The following BDH1 variants were observed in gnomAD, a reference collection of about 807,000 sequenced individuals.
The protein encoded by BDH1 is 3-hydroxybutyrate dehydrogenase 1.
BDH1 carries 30 observed loss-of-function variants against 33.1 expected under a neutral mutation model. The ratio of observed to expected loss-of-function variants is 0.91; its 90% confidence interval spans 0.68 to 1.23. BDH1 has a LOEUF of 1.23. Ranked by LOEUF, BDH1 falls within the 50% of genes most tolerant of loss-of-function variation. The pLI is 0.00. For missense variants in BDH1, 443 were observed against 464.4 expected (o/e 0.95, Z 0.42); for synonymous variants, 190 against 183.6 (o/e 1.03, Z -0.28).
intron 3 of BDH1, among the ~76,000 whole-genome samples, chr3:197,542,910 G>T (rs1361949682): frequency 6.6e-6 from 1 of 152,118 alleles, no homozygotes; most frequent in Admixed American, 6.5e-5. Flanking sequence ...CCTAACCCAG[G>T]AACAGAATGA....
At chr3:197,572,404 A>G (rs1345093408) in intron 1 of BDH1, among the ~76,000 whole-genome samples, 1 of 152,252 alleles carries the variant, frequency 6.6e-6, no homozygotes, top group Non-Finnish European at 1.5e-5. Context: ...ATGCACACGT[A>G]CACATAGACA....
In BDH1 at chr3:197,512,240, CA is replaced by C. The variant is rs748674418; in HGVS notation, c.686del (p.Leu229ArgfsTer3). ...SDCLRYEMYP[L>X]GVKVSVVEPG... The stretch of plus-strand genomic sequence containing the variant: ...GCTCCACCACGCTGACCTTCACGCC[CA>C]GGGGGTACATCTCATAGCGCAGGCA... On this transcript the variant is annotated frameshift_variant, in exon 8 of 8. Transcript: ENST00000392379. LOFTEE classifies it high-confidence loss of function. 3.7e-6 allele frequency: 6 copies of C among 1,613,540 alleles called. No homozygotes were observed. Among genetic ancestry groups the C allele is most frequent in the African/African-American group, 1.3e-5 (1 of 74,932 alleles).
rs574854463 is a variant in BDH1, at chr3:197,519,454, A to G, written c.409+3186T>C. 4.0e-3 allele frequency among the ~76,000 whole-genome samples: 610 copies of G among 151,726 alleles called. 2 individuals carry two copies. The highest frequency in any genetic ancestry group is 7.4e-3 in the Non-Finnish European group (501 of 67,928). ...GGCAGGTGGATCACCTGAGGTCAGGAGTTTGAGACCAGCCTGGCCAACCTT... is the reference window on the plus strand; with the variant it reads ...GGCAGGTGGATCACCTGAGGTCAGGGGTTTGAGACCAGCCTGGCCAACCTT... On this transcript the variant is annotated intron_variant, in intron 6 of 7. Coordinates refer to ENST00000392379, the MANE Select transcript of BDH1 (RefSeq NM_203314.3).
Position 197,511,720 on chromosome 3 carries a change from C to A in BDH1, c.*175G>T. On this transcript the variant is annotated 3_prime_UTR_variant, in exon 8 of 8. Transcript: ENST00000392379. Reference sequence around the variant, plus strand: ...CACTCCACACCCTGTTTGTGAAGGCCCAAGTCACTCACTATGCAAAGAAGT... The same window carrying A: ...CACTCCACACCCTGTTTGTGAAGGCACAAGTCACTCACTATGCAAAGAAGT... The A allele has an allele frequency of 1.6e-6, 1 of 625,454 alleles. No homozygotes were observed. The highest frequency in any genetic ancestry group is 2.5e-5 in the South Asian group (1 of 39,296). 38.7% of individuals were successfully genotyped at this position (625,454 alleles called of 1,614,324 possible). A position where few individuals can be genotyped will look rare whatever the true frequency, so the allele number is the denominator to read the frequency against.
intron 2 of BDH1, among the ~76,000 whole-genome samples, chr3:197,548,566 C>G (rs1716283041): frequency 1.3e-5 from 2 of 152,196 alleles, no homozygotes. Context: ...AACTCAGTCC[C>G]TTGGCCAGGC....
chr3:197,566,894 C>T (rs1270304944), intron 1 of BDH1, among the ~76,000 whole-genome samples: 1 of 152,142 alleles, frequency 6.6e-6, no homozygotes, highest in African/African-American at 2.4e-5. Context: ...GCTGTGCTTT[C>T]ATAAAGCCCC....
chr3:197,554,941 G>A lies in BDH1; in HGVS notation c.-195-228C>T, dbSNP rs1716886529. 6.6e-6 allele frequency among the ~76,000 whole-genome samples: 1 copy of A among 152,250 alleles called. No individual in the cohort carries two copies. Among genetic ancestry groups the A allele is most frequent in the African/African-American group, 2.4e-5 (1 of 41,470 alleles). On this transcript the variant is annotated intron_variant, in intron 1 of 7. Transcript: ENST00000392379. This position sits in a 1 kb window ranked among gnomAD's most constrained non-coding sequence, Gnocchi z 4.4. Reference sequence around the variant, plus strand: ...AGACGGCGGCGCAGCCAATCCCAGAGCAGCGCTCCCCAACGGCCGGCCGGA... The same window carrying A: ...AGACGGCGGCGCAGCCAATCCCAGAACAGCGCTCCCCAACGGCCGGCCGGA...
rs760346357 is a variant in BDH1, at chr3:197,512,060, G to A, written c.867C>T (p.Ser289=). Residue 289 remains serine, a synonymous_variant, in exon 8 of 8, where the codon AGC becomes AGT. Coordinates refer to ENST00000392379, the MANE Select transcript of BDH1 (RefSeq NM_203314.3). ...CAGGGGACGTGTCTGTGGAGCCACT[G>A]CTGCAGTAGGTCTCCATCTTGGCGA... ...EKIAKMETYC[S]SGSTDTSPVI... is the part of the protein sequence containing the mutation. 3.1e-6 allele frequency: 5 copies of A among 1,614,200 alleles called. No individual in the cohort carries two copies. The South Asian group carries it at 5.5e-5, about 18-fold the overall frequency.
At chr3:197,544,480 T>C (rs1317442876) in intron 3 of BDH1, among the ~76,000 whole-genome samples, 1 of 152,100 alleles carries the variant, frequency 6.6e-6, no homozygotes, top group African/African-American at 2.4e-5. Flanking sequence ...ACTCCAGAAA[T>C]CTCTAAAAGC....
At chr3:197,567,922 T>G (rs1313364823) in intron 1 of BDH1, among the ~76,000 whole-genome samples, 1 of 152,190 alleles carries the variant, frequency 6.6e-6, no homozygotes, top group Non-Finnish European at 1.5e-5. Context: ...TGAAGTACCC[T>G]AAAAGAGGCC....
Position 197,526,292 on chromosome 3 carries a change from G to A in BDH1, c.268-3511C>T, listed in dbSNP as rs758787003. The stretch of plus-strand genomic sequence containing the variant: ...CTGTGGGAAGTAGGTGCTGGTGGAG[G>A]TTGTCTTTCTCACTGTTTTCTAGCT... On this transcript the variant is annotated intron_variant, in intron 5 of 7. Transcript: ENST00000392379. This position sits in a 1 kb window ranked among gnomAD's most constrained non-coding sequence, Gnocchi z 4.7. Among the ~76,000 whole-genome samples, 4 of 152,184 alleles carry A rather than the reference G, an allele frequency of 2.6e-5. No homozygotes were observed. The highest frequency in any genetic ancestry group is 9.7e-5 in the African/African-American group (4 of 41,438).
chr3:197,549,442 G>T (rs1215671026), intron 2 of BDH1, among the ~76,000 whole-genome samples: 1 of 152,206 alleles, frequency 6.6e-6, no homozygotes. Context: ...TCACAGCTGG[G>T]GGCTTTCCTG....
Position 197,523,603 on chromosome 3 carries a change from G to A in BDH1, c.268-822C>T, listed in dbSNP as rs150082245. Among the ~76,000 whole-genome samples, 44 of 152,316 alleles carry A rather than the reference G, an allele frequency of 2.9e-4. No individual in the cohort carries two copies. Among genetic ancestry groups the A allele is most frequent in the African/African-American group, 9.1e-4 (38 of 41,560 alleles). ...GGCAAACATTTCTTGGGCCCCTATC[G>A]TGTTCCGGCACTGTGCTAGGAACTG... On this transcript the variant is annotated intron_variant, in intron 5 of 7. Transcript: ENST00000392379. The surrounding 1 kb of genome is among the most constrained non-coding windows in gnomAD (Gnocchi z 4.5).
intron 2 of BDH1, among the ~76,000 whole-genome samples, chr3:197,550,645 C>G (rs1260013322): frequency 2.0e-5 from 3 of 152,088 alleles, no homozygotes; most frequent in Non-Finnish European, 4.4e-5. Flanking sequence ...TGGAGGACGG[C>G]AGCTACACTC....
intron 6 of BDH1, among the ~76,000 whole-genome samples, chr3:197,515,024 GC>G (rs1712547018): frequency 6.6e-6 from 1 of 152,226 alleles, no homozygotes; most frequent in Non-Finnish European, 1.5e-5. Context: ...CGGGCCGATA[GC>G]CCCGTGCTCC....
chr3:197,565,079 C>T (rs781306107), intron 1 of BDH1, among the ~76,000 whole-genome samples: 1 of 152,168 alleles, frequency 6.6e-6, no homozygotes, highest in Non-Finnish European at 1.5e-5. Context: ...TGTGCCACCA[C>T]GCCTGGCTAA....
chr3:197,515,723 G>T (rs976304507), intron 6 of BDH1: 10 of 945,434 alleles, frequency 1.1e-5, no homozygotes, highest in Non-Finnish European at 1.2e-5. Flanking sequence ...TCCACGCCAG[G>T]CTTCCAAGAA....
chr3:197,515,025 C>T lies in BDH1; in HGVS notation c.410-609G>A, dbSNP rs1357364237. ...AGTGTTTGGTCTCCCGGGCCGATAG[C>T]CCCGTGCTCCTTCCCAAGGCACAGC... On this transcript the variant is annotated intron_variant, in intron 6 of 7. Coordinates refer to ENST00000392379, the MANE Select transcript of BDH1 (RefSeq NM_203314.3). Among the ~76,000 whole-genome samples, 4 of 152,340 alleles carry T rather than the reference C, an allele frequency of 2.6e-5. No homozygotes were observed. In the South Asian group the frequency reaches 8.3e-4, roughly 32 times the overall value.
At position 197,521,845 on chromosome 3, in the gene BDH1, C is replaced by T. The variant is rs117611601; in HGVS notation, c.409+795G>A. ...ATGTTTAACTCCCGCTTTGAATCCACCTTCACATTGCCACTGCCATCCTCA... is the reference window on the plus strand; with the variant it reads ...ATGTTTAACTCCCGCTTTGAATCCATCTTCACATTGCCACTGCCATCCTCA... On this transcript the variant is annotated intron_variant, in intron 6 of 7. Coordinates refer to ENST00000392379, the MANE Select transcript of BDH1 (RefSeq NM_203314.3). The surrounding 1 kb of genome is among the most constrained non-coding windows in gnomAD (Gnocchi z 4.9). Among the ~76,000 whole-genome samples the T allele has an allele frequency of 0.017, 2,623 of 152,310 alleles. 50 individuals carry two copies. Among genetic ancestry groups the T allele is most frequent in the East Asian group, 0.098 (510 of 5,184 alleles).
Sources: allele counts gnomAD v4.1 joint callset (sites outside exome capture counted in the v4.1 genomes callset), GRCh38; gene constraint gnomAD v4.1.1; non-coding constraint Gnocchi (gnomAD v3.1); transcripts MANE v1.5; gene names NCBI Gene and HGNC (gene_info 2026-07-23, HGNC 2026-07-21).